Variants in ABTB2 observed in about 807,000 individuals in gnomAD.
The protein encoded by ABTB2 is ankyrin repeat and BTB domain containing 2, also known as ankyrin repeat and BTB/POZ domain-containing protein 2.
In ABTB2, 56 loss-of-function variants were observed where a neutral mutation model predicts 104.1. The ratio of observed to expected loss-of-function variants is 0.54; its 90% CI spans 0.43 to 0.67. The LOEUF (loss-of-function observed/expected upper bound fraction) is 0.67. Ranked by LOEUF, ABTB2 falls within the 30% of genes least tolerant of loss-of-function variation. The pLI is 0.00. For synonymous variants in ABTB2, 606 were observed against 608.2 expected (o/e 1.00, Z 0.05); for missense variants, 1,279 against 1,407.7 (o/e 0.91, Z 1.46).
chr11:34,279,407 T>G (rs376028054), intron 1 of ABTB2, among the ~76,000 whole-genome samples: 2 of 152,254 alleles, frequency 1.3e-5, no homozygotes, highest in East Asian at 3.9e-4. Context: ...GGTCTGTTCT[T>G]TACTTTAATC....
intron 12 of ABTB2, 62 bp from the exon 13 acceptor site, chr11:34,160,070 G>A: frequency 1.4e-6 from 2 of 1,457,244 alleles, no homozygotes; most frequent in Non-Finnish European, 1.9e-6. Flanking sequence ...GTTTGCTTGA[G>A]TGTGCTGTGA....
chr11:34,254,009 C>G (rs992748341), intron 1 of ABTB2, among the ~76,000 whole-genome samples: 3 of 152,174 alleles, frequency 2.0e-5, no homozygotes, highest in African/African-American at 7.2e-5. Context: ...CTATGTGGTA[C>G]AGCAGTGGCA....
intron 1 of ABTB2, among the ~76,000 whole-genome samples, chr11:34,312,310 T>C (rs952774384): frequency 5.3e-5 from 8 of 152,176 alleles, no homozygotes; most frequent in African/African-American, 1.9e-4. Context: ...TGTTCATTCA[T>C]TTCAGAGGGT....
intron 1 of ABTB2, among the ~76,000 whole-genome samples, chr11:34,327,852 T>C (rs566410407): frequency 1.3e-5 from 2 of 152,218 alleles, no homozygotes; most frequent in South Asian, 2.1e-4. Context: ...TGGCAGAATC[T>C]GGTTTAAACA....
intron 7 of ABTB2, 30 bp from the exon 8 acceptor site, chr11:34,165,386 G>C (rs774305278): frequency 1.8e-5 from 28 of 1,556,586 alleles, no homozygotes; most frequent in Middle Eastern, 1.7e-4. Context: ...GGAGGGCACT[G>C]CTCAGCGTGG....
At chr11:34,195,094 C>A (rs1046413572) in intron 3 of ABTB2, among the ~76,000 whole-genome samples, 8 of 27,870 alleles carry the variant, frequency 2.9e-4, no homozygotes, top group African/African-American at 4.7e-4. Flanking sequence ...GGAGTGGGGG[C>A]GGGAGAAAGT....
intron 3 of ABTB2, among the ~76,000 whole-genome samples, chr11:34,185,898 T>C (rs910255): frequency 6.6e-6 from 1 of 152,134 alleles, no homozygotes; most frequent in Admixed American, 6.5e-5. Context: ...TTGATCATTA[T>C]AGAATGTATA....
chr11:34,219,643 C>T (rs1205012690), intron 1 of ABTB2, among the ~76,000 whole-genome samples: 1 of 152,212 alleles, frequency 6.6e-6, no homozygotes, highest in East Asian at 1.9e-4. Context: ...TATTTAGATA[C>T]AGAAATATGT....
intron 3 of ABTB2, among the ~76,000 whole-genome samples, chr11:34,193,083 C>G (rs987022189): frequency 6.6e-6 from 1 of 152,228 alleles, no homozygotes; most frequent in African/African-American, 2.4e-5. Context: ...CAGGCACAAC[C>G]AGCAAGGGCC....
chr11:34,243,512 C>T (rs1346088822), intron 1 of ABTB2, among the ~76,000 whole-genome samples: 1 of 152,232 alleles, frequency 6.6e-6, no homozygotes, highest in Non-Finnish European at 1.5e-5. Context: ...CAACAGAAAT[C>T]ACTGACACTG....
intron 1 of ABTB2, among the ~76,000 whole-genome samples, chr11:34,246,449 A>C (rs1289783554): frequency 1.3e-5 from 2 of 151,964 alleles, no homozygotes; most frequent in African/African-American, 4.8e-5. Flanking sequence ...TAAAAATACA[A>C]AATTAGCTGG....
At chr11:34,314,013 G>A (rs1237613428) in intron 1 of ABTB2, among the ~76,000 whole-genome samples, 1 of 152,136 alleles carries the variant, frequency 6.6e-6, no homozygotes, top group Non-Finnish European at 1.5e-5. Flanking sequence ...CCTGTTATGT[G>A]GTGAATGGAT....
chr11:34,169,755 C>T (rs750308353), intron 5 of ABTB2, among the ~76,000 whole-genome samples: 40 of 152,192 alleles, frequency 2.6e-4, no homozygotes, highest in Middle Eastern at 6.8e-3. Flanking sequence ...CCTGGGTCCA[C>T]GCCCTGACTG....
At chr11:34,306,830 A>G (rs1267475) in intron 1 of ABTB2, among the ~76,000 whole-genome samples, 58,167 of 151,756 alleles carry the variant, frequency 0.38, 13,167 homozygotes, top group African/African-American at 0.64. Flanking sequence ...AGAATTCTTC[A>G]AAGAAGTTAT....
At chr11:34,299,311 C>T (rs994730194) in intron 1 of ABTB2, among the ~76,000 whole-genome samples, 12 of 152,160 alleles carry the variant, frequency 7.9e-5, no homozygotes, top group Admixed American at 7.2e-4. Context: ...CGGCTATACA[C>T]GATGGTCATG....
At chr11:34,342,607 T>C (rs1206788160) in intron 1 of ABTB2, among the ~76,000 whole-genome samples, 2 of 152,188 alleles carry the variant, frequency 1.3e-5, no homozygotes, top group African/African-American at 4.8e-5. Context: ...AAGAATCACA[T>C]GATATAATAC....
At chr11:34,202,471 C>A (rs1853355228) in intron 2 of ABTB2, among the ~76,000 whole-genome samples, 1 of 151,996 alleles carries the variant, frequency 6.6e-6, no homozygotes, top group Admixed American at 6.6e-5. Context: ...ACCGAGTGAG[C>A]CGGGAAGCCA....
intron 3 of ABTB2, among the ~76,000 whole-genome samples, chr11:34,187,512 T>TC: frequency 6.6e-6 from 1 of 151,372 alleles, no homozygotes; most frequent in East Asian, 1.9e-4. Context: ...TTTTTTTTTT[T>TC]GGTGAGATGG....
intron 1 of ABTB2, among the ~76,000 whole-genome samples, chr11:34,353,907 C>G (rs1855430346): frequency 6.6e-6 from 1 of 152,204 alleles, no homozygotes; most frequent in South Asian, 2.1e-4. Flanking sequence ...TAAACCGTTA[C>G]CTTGCTGGCC....
Sources: allele counts gnomAD v4.1 joint callset (sites outside exome capture counted in the v4.1 genomes callset), GRCh38; gene constraint gnomAD v4.1.1; transcripts MANE v1.5; gene names NCBI Gene and HGNC (gene_info 2026-07-23, HGNC 2026-07-21).